The following RAPGEF5 variants were observed in gnomAD, a reference collection of about 807,000 sequenced individuals.
RAPGEF5 encodes M-Ras-regulated GEF.
RAPGEF5 carries 65 observed loss-of-function variants against 125.2 expected under a neutral mutation model. The observed-to-expected ratio is 0.52, with a 90% CI of 0.43 to 0.64. The LOEUF is 0.64. Among genes scored for constraint, RAPGEF5 ranks in the 30% least tolerant of loss-of-function variants. The pLI, the probability that RAPGEF5 is intolerant of heterozygous loss-of-function variation, is 0.00. For synonymous variants in RAPGEF5, 391 were observed against 385.9 expected (o/e 1.01, Z -0.16); for missense variants, 958 against 1,048.1 (o/e 0.91, Z 1.19).
intron 21 of RAPGEF5, among the ~76,000 whole-genome samples, chr7:22,138,913 T>C (rs1783166365): frequency 6.6e-6 from 1 of 152,246 alleles, no homozygotes; most frequent in Non-Finnish European, 1.5e-5. Flanking sequence ...AATCGTGGCA[T>C]CTGTCACCCA....
At chr7:22,291,418 A>C (rs1782933082) in intron 5 of RAPGEF5, among the ~76,000 whole-genome samples, 177 bp from the exon 6 acceptor site, 1 of 152,192 alleles carries the variant, frequency 6.6e-6, no homozygotes, top group Non-Finnish European at 1.5e-5. Context: ...TTGCAGGCCA[A>C]ATGTTCTCAC....
At position 22,163,915 on chromosome 7, in the gene RAPGEF5, T is replaced by A. The variant is rs1213924491; in HGVS notation, c.1284-1374A>T. On this transcript the variant is annotated intron_variant, in intron 12 of 25. Coordinates refer to ENST00000665637, the MANE Select transcript of RAPGEF5 (RefSeq NM_012294.5). ...TTTAAAATATAATTTAGTCAATGTCTCCCCATCCTGCAAAAATACATTAAG... is the reference window on the plus strand; with the variant it reads ...TTTAAAATATAATTTAGTCAATGTCACCCCATCCTGCAAAAATACATTAAG... 2.0e-5 allele frequency among the ~76,000 whole-genome samples: 3 copies of A among 152,160 alleles called. No homozygotes were observed. The East Asian group carries it at 5.8e-4, about 29-fold the overall frequency.
At chr7:22,257,018 T>G (rs1490659383) in intron 7 of RAPGEF5, among the ~76,000 whole-genome samples, 2 of 152,218 alleles carry the variant, frequency 1.3e-5, no homozygotes, top group African/African-American at 4.8e-5. Context: ...CCTACACTGA[T>G]TGGCAGTTAC....
chr7:22,146,047 C>T (rs546428259), intron 19 of RAPGEF5, among the ~76,000 whole-genome samples: 15 of 152,000 alleles, frequency 9.9e-5, no homozygotes, highest in African/African-American at 3.6e-4. Context: ...AGGGATATAT[C>T]CCAGTCTACT....
At chr7:22,305,387 CA>C (rs1434583510) in intron 5 of RAPGEF5, among the ~76,000 whole-genome samples, 1 of 152,130 alleles carries the variant, frequency 6.6e-6, no homozygotes, top group Non-Finnish European at 1.5e-5. Flanking sequence ...TGTCATTTAA[CA>C]GGAGATTTTA....
At chr7:22,215,785 G>C (rs764926209) in intron 9 of RAPGEF5, among the ~76,000 whole-genome samples, 2 of 152,206 alleles carry the variant, frequency 1.3e-5, no homozygotes, top group African/African-American at 2.4e-5. Context: ...GATTCTCTCT[G>C]TTTAAGGTAT....
intron 1 of RAPGEF5, among the ~76,000 whole-genome samples, chr7:22,330,080 C>A (rs1241675709): frequency 6.6e-6 from 1 of 152,172 alleles, no homozygotes; most frequent in African/African-American, 2.4e-5. Flanking sequence ...AGCCCTGTCA[C>A]CTCCAACCCT....
intron 11 of RAPGEF5, among the ~76,000 whole-genome samples, chr7:22,186,608 G>A (rs1333453539): frequency 4.6e-5 from 7 of 152,068 alleles, no homozygotes; most frequent in Admixed American, 4.6e-4. Flanking sequence ...TGTATCCCTG[G>A]CATTTAGAAC....
At position 22,249,881 on chromosome 7, in the gene RAPGEF5, C is replaced by T. The variant is rs962803233; in HGVS notation, c.796+17083G>A. On this transcript the variant is annotated intron_variant, in intron 7 of 25. Coordinates refer to ENST00000665637, the MANE Select transcript of RAPGEF5 (RefSeq NM_012294.5). ...CTAGATGTCAGGGCCTCAGTCTATA[C>T]TTAAATAAAGCCCCATGAGGTACAG... is the stretch of plus-strand genomic sequence containing the variant. Among the ~76,000 whole-genome samples the T allele has an allele frequency of 2.0e-5, 3 of 152,278 alleles. No homozygotes were observed. The East Asian group carries it at 5.8e-4, about 29-fold the overall frequency.
At position 22,347,748 on chromosome 7, in the gene RAPGEF5, A is replaced by G. The variant is rs191611554; in HGVS notation, c.231+9082T>C. Reference sequence around the variant, plus strand: ...TTTTTCTCTTCGGGAAAAGAAGACCATGAGACCATCTGCGACATAAGATTG... The same window carrying G: ...TTTTTCTCTTCGGGAAAAGAAGACCGTGAGACCATCTGCGACATAAGATTG... On this transcript the variant is annotated intron_variant, in intron 1 of 25. Transcript: ENST00000665637. Among the ~76,000 whole-genome samples the G allele has an allele frequency of 2.4e-3, 362 of 152,304 alleles. 2 individuals carry two copies. The highest frequency in any genetic ancestry group is 0.014 in the South Asian group (66 of 4,824).
chr7:22,306,909 A>C (rs550930712), intron 5 of RAPGEF5, among the ~76,000 whole-genome samples: 1 of 152,100 alleles, frequency 6.6e-6, no homozygotes, highest in Non-Finnish European at 1.5e-5. Flanking sequence ...CCATTGGTCT[A>C]TGTGTCTGTT....
chr7:22,231,466 C>T (rs147596994), intron 7 of RAPGEF5, among the ~76,000 whole-genome samples: 1 of 152,270 alleles, frequency 6.6e-6, no homozygotes, highest in East Asian at 1.9e-4. Flanking sequence ...TGACCTCTTA[C>T]ACAAAGCCCT....
intron 1 of RAPGEF5, among the ~76,000 whole-genome samples, chr7:22,336,492 T>C (rs1300160756): frequency 6.6e-6 from 1 of 152,184 alleles, no homozygotes; most frequent in Admixed American, 6.5e-5. Context: ...TTATCAATTA[T>C]GTATGTTAGA....
chr7:22,196,613 C>G (rs1785152311), intron 9 of RAPGEF5, among the ~76,000 whole-genome samples: 1 of 152,092 alleles, frequency 6.6e-6, no homozygotes. Context: ...GGGTCAGCAC[C>G]CTAAGATGTG....
chr7:22,283,704 G>C (rs1782728798), intron 6 of RAPGEF5, among the ~76,000 whole-genome samples: 1 of 152,090 alleles, frequency 6.6e-6, no homozygotes, highest in Admixed American at 6.6e-5. Flanking sequence ...TCAATAAAAA[G>C]TCTATATTTT....
intron 9 of RAPGEF5, among the ~76,000 whole-genome samples, chr7:22,214,463 T>C (rs1045591369): frequency 6.6e-6 from 1 of 152,156 alleles, no homozygotes; most frequent in Non-Finnish European, 1.5e-5. Context: ...GTATTTCTAA[T>C]CTACAATTTA....
chr7:22,192,094 A>G (rs1490417331), intron 11 of RAPGEF5: 3 of 160,660 alleles, frequency 1.9e-5, no homozygotes, highest in Non-Finnish European at 2.8e-5. Flanking sequence ...ACATTTGATG[A>G]AGCAGAACAT....
At chr7:22,267,074 G>C (rs1782301276) in intron 6 of RAPGEF5, 62 bp from the exon 7 acceptor site, 1 of 1,487,098 alleles carries the variant, frequency 6.7e-7, no homozygotes, top group African/African-American at 1.4e-5. Context: ...ATCAAAAGCA[G>C]TACTTTGTTC....
At chr7:22,272,900 G>A (rs1162990914) in intron 6 of RAPGEF5, among the ~76,000 whole-genome samples, 1 of 152,082 alleles carries the variant, frequency 6.6e-6, no homozygotes, top group African/African-American at 2.4e-5. Context: ...GGGACTACAG[G>A]CGCCTGCCAC....
Sources: gnomAD v4.1 joint callset for allele counts (sites outside exome capture counted in the v4.1 genomes callset) on GRCh38, gnomAD v4.1.1 for gene constraint, MANE v1.5 for transcripts, NCBI Gene and HGNC (gene_info 2026-07-23, HGNC 2026-07-21) for gene names.